RAPGEF5: variants seen among roughly 807,000 people sequenced by gnomAD.
RAPGEF5 encodes the protein M-Ras-regulated GEF.
Under a neutral mutation model 125.2 loss-of-function variants are expected in RAPGEF5, and 65 were observed. The observed-to-expected ratio is 0.52, with a 90% CI of 0.43 to 0.64. The LOEUF (loss-of-function observed/expected upper bound fraction) is 0.64, where lower values mean the gene tolerates loss of function less well. Ranked by LOEUF, RAPGEF5 falls within the 30% of genes least tolerant of loss-of-function variation. The probability of loss-of-function intolerance (pLI) is 0.00; values close to 1 mark genes in which losing one functional copy is unlikely to be tolerated. For synonymous variants in RAPGEF5, 391 were observed against 385.9 expected, an observed-to-expected ratio of 1.01 and a Z score of -0.16; for missense variants, 958 against 1,048.1, an observed-to-expected ratio of 0.91 and a Z score of 1.19.
intron 9 of RAPGEF5, among the ~76,000 whole-genome samples, chr7:22,203,401 G>A (rs1785324693): frequency 6.6e-6 from 1 of 152,230 alleles, no homozygotes; most frequent in Non-Finnish European, 1.5e-5. Context: ...AACACAGAAT[G>A]TCAAGAGATA....
chr7:22,168,480 A>G (rs922278240), intron 11 of RAPGEF5, among the ~76,000 whole-genome samples: 1 of 152,240 alleles, frequency 6.6e-6, no homozygotes, highest in South Asian at 2.1e-4. Context: ...TGAGCTGACT[A>G]AGACATACAC....
intron 1 of RAPGEF5, among the ~76,000 whole-genome samples, chr7:22,338,754 T>C (rs569855305): frequency 6.6e-6 from 1 of 152,348 alleles, no homozygotes; most frequent in Admixed American, 6.5e-5. Flanking sequence ...CTTCACATGC[T>C]GCATTCATTG....
At chr7:22,202,623 A>G (rs1785304906) in intron 9 of RAPGEF5, among the ~76,000 whole-genome samples, 1 of 152,204 alleles carries the variant, frequency 6.6e-6, no homozygotes, top group South Asian at 2.1e-4. Flanking sequence ...CCCTTCCACC[A>G]AGCCGCAAGC....
chr7:22,266,312 A>G (rs1020640891), intron 7 of RAPGEF5, among the ~76,000 whole-genome samples: 6 of 152,142 alleles, frequency 3.9e-5, no homozygotes, highest in Admixed American at 2.0e-4. Context: ...GATGCCTCCT[A>G]CTGACATTCC....
chr7:22,222,557 A>G (rs1424951914), intron 8 of RAPGEF5, among the ~76,000 whole-genome samples: 2 of 152,194 alleles, frequency 1.3e-5, no homozygotes. Flanking sequence ...AAGGATAGGC[A>G]GAGAGAGCAG....
intron 17 of RAPGEF5, among the ~76,000 whole-genome samples, chr7:22,153,563 A>G (rs1227303162): frequency 6.6e-6 from 1 of 152,152 alleles, no homozygotes; most frequent in Non-Finnish European, 1.5e-5. Context: ...TGAGCAACAA[A>G]GCCATAGGAA....
intron 21 of RAPGEF5, among the ~76,000 whole-genome samples, chr7:22,137,646 A>T (rs1783119632): frequency 1.3e-5 from 2 of 152,202 alleles, no homozygotes; most frequent in South Asian, 4.1e-4. Flanking sequence ...CTTTTGTGGT[A>T]AACAGCACAT....
intron 1 of RAPGEF5, among the ~76,000 whole-genome samples, chr7:22,329,891 C>T (rs1023033139): frequency 3.9e-5 from 6 of 152,160 alleles, no homozygotes; most frequent in African/African-American, 1.2e-4. Flanking sequence ...ACTAACTGCT[C>T]CCGCCGCTCC....
intron 7 of RAPGEF5, among the ~76,000 whole-genome samples, chr7:22,263,067 T>C (rs991491188): frequency 6.6e-6 from 1 of 152,234 alleles, no homozygotes; most frequent in African/African-American, 2.4e-5. Flanking sequence ...CCCATTTCAA[T>C]AGGTTACATA....
rs201437488 is a variant in RAPGEF5, at chr7:22,154,593, C to T, written c.1648G>A (p.Val550Met). 103 of 1,612,564 alleles carry T rather than the reference C, an allele frequency of 6.4e-5. No homozygotes were observed. Among genetic ancestry groups the T allele is most frequent in the African/African-American group, 5.9e-4 (44 of 74,980 alleles). ...VTETEEIFCH[V>M]YITEHSYVSV... ...ACATAGGAGTGCTCTGTTATATACA[C>T]GTGGCAGAAAACTGCACAAGTGAAA... The change falls in exon 17 of 26, where the codon GTG becomes ATG. Residue 550 changes from valine (V) to methionine (M), a missense_variant. Physicochemically the swap from Val to Met is conservative, Grantham distance 21. Transcript: ENST00000665637.
intron 11 of RAPGEF5, among the ~76,000 whole-genome samples, chr7:22,172,438 G>A (rs1336603042): frequency 2.0e-5 from 3 of 151,704 alleles, no homozygotes; most frequent in Non-Finnish European, 2.9e-5. Flanking sequence ...TTAATTTTTA[G>A]GTCATATAAA....
intron 1 of RAPGEF5, among the ~76,000 whole-genome samples, chr7:22,341,921 G>A (rs1443285051): frequency 6.6e-6 from 1 of 152,192 alleles, no homozygotes; most frequent in African/African-American, 2.4e-5. Flanking sequence ...CCATTCTGGG[G>A]TCTGGAGGAC....
intron 9 of RAPGEF5, among the ~76,000 whole-genome samples, chr7:22,209,450 T>C (rs1785462179): frequency 6.6e-6 from 1 of 152,212 alleles, no homozygotes; most frequent in Non-Finnish European, 1.5e-5. Context: ...TTACATATCT[T>C]CTAAAATTCT....
chr7:22,310,159 T>G, intron 3 of RAPGEF5, 69 bp from the exon 4 acceptor site: 1 of 1,374,286 alleles, frequency 7.3e-7, no homozygotes, highest in Non-Finnish European at 9.4e-7. Context: ...ACAAAAATGA[T>G]ATATAATACC....
intron 14 of RAPGEF5, among the ~76,000 whole-genome samples, chr7:22,159,172 T>C (rs1325839968): frequency 6.6e-6 from 1 of 152,246 alleles, no homozygotes; most frequent in Admixed American, 6.5e-5. Context: ...TTTGATTTCA[T>C]TCATTAGTTC....
chr7:22,344,000 C>T (rs1784178019), intron 1 of RAPGEF5, among the ~76,000 whole-genome samples: 1 of 152,162 alleles, frequency 6.6e-6, no homozygotes, highest in South Asian at 2.1e-4. Flanking sequence ...CAAACCCTAG[C>T]CACCCATGTT....
chr7:22,318,668 C>G (rs537752193), intron 1 of RAPGEF5, among the ~76,000 whole-genome samples: 2 of 152,154 alleles, frequency 1.3e-5, no homozygotes, highest in Admixed American at 1.3e-4. Context: ...CATAACCCTG[C>G]CTTTAGTCAC....
intron 5 of RAPGEF5, among the ~76,000 whole-genome samples, chr7:22,297,933 T>C (rs1329568862): frequency 6.6e-6 from 1 of 152,174 alleles, no homozygotes; most frequent in Non-Finnish European, 1.5e-5. Flanking sequence ...CTTATATTTC[T>C]ATTTTTCTGA....
chr7:22,159,022 T>C (rs1783900523), intron 14 of RAPGEF5, among the ~76,000 whole-genome samples: 1 of 152,242 alleles, frequency 6.6e-6, no homozygotes, highest in Non-Finnish European at 1.5e-5. Context: ...TAAATTTCCA[T>C]TAATGTATTT....
Sources: gnomAD v4.1 joint callset for allele counts (sites outside exome capture counted in the v4.1 genomes callset) on GRCh38, gnomAD v4.1.1 for gene constraint, MANE v1.5 for transcripts, NCBI Gene and HGNC (gene_info 2026-07-23, HGNC 2026-07-21) for gene names.